Variants in ADCY2 observed in about 807,000 individuals in gnomAD.
ADCY2 encodes adenylate cyclase 2.
A neutral mutation model predicts 125.2 loss-of-function variants in ADCY2; 31 were observed. The observed-to-expected ratio is 0.25, with a 90% CI of 0.19 to 0.33. The LOEUF (loss-of-function observed/expected upper bound fraction) is 0.33. ADCY2 is among the 10% of genes least tolerant of loss of function. The pLI, the probability that ADCY2 is intolerant of heterozygous loss-of-function variation, is 1.00. For synonymous variants in ADCY2, 512 were observed against 548.4 expected (o/e 0.93, Z 0.93); for missense variants, 904 against 1,418.2 (o/e 0.64, Z 5.82).
At chr5:7,579,240 A>G (rs1402950988) in intron 3 of ADCY2, among the ~76,000 whole-genome samples, 1 of 152,234 alleles carries the variant, frequency 6.6e-6, no homozygotes, top group Non-Finnish European at 1.5e-5. Context: ...GGAGACAAAC[A>G]GCACCTGGAT....
intron 16 of ADCY2, among the ~76,000 whole-genome samples, chr5:7,764,705 A>G (rs1743328949): frequency 6.6e-6 from 1 of 152,226 alleles, no homozygotes. Context: ...GGATGTGGAA[A>G]ATTAAATTGG....
intron 3 of ADCY2, among the ~76,000 whole-genome samples, chr5:7,590,622 T>C (rs1736823870): frequency 6.6e-6 from 1 of 151,310 alleles, no homozygotes. Flanking sequence ...ATAGTTTAAG[T>C]GTGTTGCCTG....
intron 4 of ADCY2, among the ~76,000 whole-genome samples, chr5:7,673,287 A>ATATATAT (rs58507866): frequency 0.012 from 366 of 31,250 alleles, 23 homozygotes; most frequent in Non-Finnish European, 0.015. Context: ...TATATATATA[A>ATATATAT]AATTAGCCAG....
rs73739868 is a variant in ADCY2, at chr5:7,636,348, G to T, written c.720+10032G>T. On this transcript the variant is annotated intron_variant, in intron 4 of 24. Transcript: ENST00000338316. ...GGGGTTCAGGACATTGTGCAATCAG[G>T]TTTCTAATCGGTGGGTTTAGAACAA... 2.4e-3 allele frequency among the ~76,000 whole-genome samples: 369 copies of T among 152,344 alleles called. 1 individual carries two copies. The highest frequency in any genetic ancestry group is 0.024 in the Middle Eastern group (7 of 294).
intron 3 of ADCY2, among the ~76,000 whole-genome samples, chr5:7,555,590 A>C (rs945832872): frequency 1.3e-5 from 2 of 152,216 alleles, no homozygotes; most frequent in Non-Finnish European, 2.9e-5. Context: ...CTTTAAATAC[A>C]CAGGGAGCTA....
At chr5:7,650,491 A>G (rs1377571485) in intron 4 of ADCY2, among the ~76,000 whole-genome samples, 1 of 152,134 alleles carries the variant, frequency 6.6e-6, no homozygotes, top group Non-Finnish European at 1.5e-5. Flanking sequence ...AGTACGAACT[A>G]TATAAGTGGA....
At chr5:7,413,484 G>A (rs1275560317) in intron 1 of ADCY2, among the ~76,000 whole-genome samples, 1 of 151,630 alleles carries the variant, frequency 6.6e-6, no homozygotes, top group Non-Finnish European at 1.5e-5. Flanking sequence ...ATTTTTAGTA[G>A]AGACTGGGTT....
chr5:7,465,739 A>G lies in ADCY2; in HGVS notation c.408+50969A>G, dbSNP rs183124969. 2.3e-3 allele frequency among the ~76,000 whole-genome samples: 352 copies of G among 152,352 alleles called. 1 individual carries two copies. Among genetic ancestry groups the G allele is most frequent in the African/African-American group, 8.1e-3 (337 of 41,584 alleles). ...AATGAAATTTTACATATGTGTGTGT[A>G]TAGATAGATCTATAAATATATAGCA... On this transcript the variant is annotated intron_variant, in intron 2 of 24. Transcript: ENST00000338316.
At chr5:7,431,276 A>G (rs1004652811) in intron 2 of ADCY2, among the ~76,000 whole-genome samples, 2 of 152,206 alleles carry the variant, frequency 1.3e-5, no homozygotes, top group African/African-American at 4.8e-5. Context: ...ACAATGTTCT[A>G]AGCCAATTCA....
Position 7,429,886 on chromosome 5 carries a change from A to T in ADCY2, c.408+15116A>T, listed in dbSNP as rs557001128. ...AATTAAAAGGAACAGAAAACAACAA[A>T]ATTGGAAGCAGGAAAACAATAATCA... On this transcript the variant is annotated intron_variant, in intron 2 of 24. Coordinates refer to ENST00000338316, the MANE Select transcript of ADCY2 (RefSeq NM_020546.3). Among the ~76,000 whole-genome samples, 273 of 152,276 alleles carry T rather than the reference A, an allele frequency of 1.8e-3. 2 individuals are homozygous for T. Among genetic ancestry groups the T allele is most frequent in the African/African-American group, 6.3e-3 (263 of 41,564 alleles).
At chr5:7,474,356 A>G (rs1201587581) in intron 2 of ADCY2, among the ~76,000 whole-genome samples, 1 of 152,236 alleles carries the variant, frequency 6.6e-6, no homozygotes, top group Non-Finnish European at 1.5e-5. Context: ...AAATAAAGCA[A>G]TAATGCAATG....
At chr5:7,789,585 C>T in intron 19 of ADCY2, 57 bp from the exon 20 acceptor site, 1 of 1,532,370 alleles carries the variant, frequency 6.5e-7, no homozygotes, top group Non-Finnish European at 8.9e-7. Flanking sequence ...AAAACCTCCA[C>T]TCTCTGGCAG....
chr5:7,505,345 G>C (rs893360983), intron 2 of ADCY2, among the ~76,000 whole-genome samples: 3 of 152,346 alleles, frequency 2.0e-5, no homozygotes, highest in East Asian at 1.9e-4. Flanking sequence ...ATAAGGCTTA[G>C]AAAGACCACG....
chr5:7,434,320 A>C (rs1740717356), intron 2 of ADCY2, among the ~76,000 whole-genome samples: 1 of 152,230 alleles, frequency 6.6e-6, no homozygotes, highest in African/African-American at 2.4e-5. Context: ...TCATCCAATG[A>C]AATACTAAGT....
At chr5:7,718,030 T>A (rs1017960436) in intron 12 of ADCY2, among the ~76,000 whole-genome samples, 1 of 152,122 alleles carries the variant, frequency 6.6e-6, no homozygotes, top group South Asian at 2.1e-4. Flanking sequence ...ATTTTTATCA[T>A]GAAAGCTGAC....
chr5:7,421,341 G>T (rs1462424272), intron 2 of ADCY2, among the ~76,000 whole-genome samples: 1 of 152,168 alleles, frequency 6.6e-6, no homozygotes, highest in Non-Finnish European at 1.5e-5. Context: ...TATTCTTTTG[G>T]AAGACTCTAG....
chr5:7,686,376 T>C (rs113152747), intron 4 of ADCY2, among the ~76,000 whole-genome samples: 2,405 of 152,294 alleles, frequency 0.016, 73 homozygotes, highest in African/African-American at 0.055. Context: ...ATATCAGACA[T>C]AATTTAAAAG....
At chr5:7,583,756 A>G (rs922745400) in intron 3 of ADCY2, among the ~76,000 whole-genome samples, 9 of 152,140 alleles carry the variant, frequency 5.9e-5, no homozygotes, top group African/African-American at 1.2e-4. Flanking sequence ...ACTTCTAGGT[A>G]TGTACCCAAG....
chr5:7,643,706 A>G (rs988006309), intron 4 of ADCY2, among the ~76,000 whole-genome samples: 1 of 152,030 alleles, frequency 6.6e-6, no homozygotes, highest in African/African-American at 2.4e-5. Flanking sequence ...AGAAATAAAT[A>G]TAGTCCATTT....
Sources: gnomAD v4.1 joint callset for allele counts (sites outside exome capture counted in the v4.1 genomes callset) on GRCh38, gnomAD v4.1.1 for gene constraint, MANE v1.5 for transcripts, NCBI Gene and HGNC (gene_info 2026-07-23, HGNC 2026-07-21) for gene names.